The following METRN variants were observed in gnomAD, a reference collection of about 807,000 sequenced individuals.
METRN encodes the protein meteorin, glial cell differentiation regulator, also known as meteorin.
A neutral mutation model predicts 17.4 loss-of-function variants in METRN; 17 were observed. The observed-to-expected ratio is 0.98, with a 90% CI of 0.67 to 1.46. The LOEUF is 1.46. Ranked by LOEUF, METRN falls within the 40% of genes most tolerant of loss-of-function variation. METRN has a pLI of 0.00. For missense variants in METRN, 489 were observed against 456.2 expected (o/e 1.07, Z -0.65); for synonymous variants, 230 against 210.8 (o/e 1.09, Z -0.79).
chr16:718,294 C>T lies in METRN; in HGVS notation c.*907C>T, dbSNP rs1258253008. On this transcript the variant is annotated 3_prime_UTR_variant, in exon 4 of 4. Coordinates refer to ENST00000568223, the MANE Select transcript of METRN (RefSeq NM_024042.4). ...CCTGGGTGGGGGTGTTCCAGGACAC[C>T]TGGCCCTGTGTGAGCTGCCTCCTCT... 3 of 152,290 alleles carry T rather than the reference C, an allele frequency of 2.0e-5. No individual in the cohort carries two copies. The highest frequency in any genetic ancestry group is 2.9e-5 in the Non-Finnish European group (2 of 68,082). 9.4% of individuals were successfully genotyped at this position (152,290 alleles called of 1,614,324 possible).
intron 2 of METRN, chr16:716,722 G>A (rs1002457134): frequency 1.9e-5 from 29 of 1,535,292 alleles, no homozygotes; most frequent in Middle Eastern, 3.3e-4. Context: ...GGAGGTACGC[G>A]CCTGCAAGTG....
Position 715,842 on chromosome 16 carries a change from G to T in METRN, c.363G>T (p.Trp121Cys). Reference sequence around the variant, plus strand: ...CGGCAGGGGGCCGCTGCGTGCGCTGGGGTCCCCGCGAGCGCCGGGCCCTCT... The same window carrying T: ...CGGCAGGGGGCCGCTGCGTGCGCTGTGGTCCCCGCGAGCGCCGGGCCCTCT... ...PGPAGGRCVRWGPRERRALFL... is the reference protein window; with the variant it reads ...PGPAGGRCVRCGPRERRALFL... Residue 121 changes from tryptophan to cysteine, a missense_variant, in exon 2 of 4, where the codon TGG (tryptophan) becomes TGT (cysteine). Coordinates refer to ENST00000568223, the MANE Select transcript of METRN (RefSeq NM_024042.4). 9.9e-6 allele frequency: 13 copies of T among 1,317,746 alleles called. No individual in the cohort carries two copies. Among genetic ancestry groups the T allele is most frequent in the Non-Finnish European group, 1.3e-5 (13 of 1,037,318 alleles). The allele number at this position is 1,317,746 out of a possible 1,614,324, so 81.6% of individuals were successfully genotyped here.
Position 717,579 on chromosome 16 carries a change from G to A in METRN, c.*192G>A. The A allele has an allele frequency of 2.1e-6, 1 of 475,564 alleles. No homozygotes were observed. Among genetic ancestry groups the A allele is most frequent in the Non-Finnish European group, 3.5e-6 (1 of 282,356 alleles). The allele number at this position is 475,564 out of a possible 1,614,324, so 29.5% of individuals were successfully genotyped here. A position where few individuals can be genotyped will look rare whatever the true frequency, so the allele number is the denominator to read the frequency against. On this transcript the variant is annotated 3_prime_UTR_variant, in exon 4 of 4. Transcript: ENST00000568223. ...TCCTGCCTCCTGGCGGGAGACTGAG[G>A]CTCAGGGGAATGGTATCTTGTTCAA...
At chr16:716,022 G>A in intron 2 of METRN, 38 bp downstream of exon 2, 1 of 1,419,058 alleles carries the variant, frequency 7.0e-7, no homozygotes, top group South Asian at 1.4e-5. Flanking sequence ...TGGGAGTCCC[G>A]AAGTCTTACC....
rs776501934 is a variant in METRN at position 717,167 on chromosome 16, C to T, written c.662C>T (p.Pro221Leu). The T allele has an allele frequency of 5.6e-5, 90 of 1,605,298 alleles. No homozygotes were observed. Among genetic ancestry groups the T allele is most frequent in the Non-Finnish European group, 7.1e-5 (83 of 1,176,760 alleles). The change falls in exon 4 of 4, where the codon CCG (proline) becomes CTG (leucine). Residue 221 changes from proline to leucine, a missense_variant. Pro to Leu is a moderately conservative substitution (Grantham distance 98, BLOSUM62 -3). Coordinates refer to ENST00000568223, the MANE Select transcript of METRN (RefSeq NM_024042.4). ...VAARVLRQTP[P>L]LFQAGRSGDQ... ...GCCCGTGTCCTCCGCCAGACACCGC[C>T]GCTGTTCCAGGCGGGGCGATCCGGG...
At position 715,141 on chromosome 16, in the gene METRN, G is replaced by A. The variant is rs553755802; in HGVS notation, c.-149G>A. 62 of 168,146 alleles carry A rather than the reference G, an allele frequency of 3.7e-4. No homozygotes were observed. Among genetic ancestry groups the A allele is most frequent in the Non-Finnish European group, 6.7e-4 (57 of 84,728 alleles). 10.4% of individuals were successfully genotyped at this position (168,146 alleles called of 1,614,324 possible). A position where few individuals can be genotyped will look rare whatever the true frequency, so the allele number is the denominator to read the frequency against. On this transcript the variant is annotated 5_prime_UTR_variant, in exon 1 of 4. Coordinates refer to ENST00000568223, the MANE Select transcript of METRN (RefSeq NM_024042.4). ...CCAAGGCGGCCCCGGCGCTGGGGCT[G>A]CGCGGCAGGCGGAGCGGCCGCGGGC...
At chr16:715,502 G>C in intron 1 of METRN, 82 bp from the exon 2 acceptor site, 1 of 1,267,286 alleles carries the variant, frequency 7.9e-7, no homozygotes, top group South Asian at 2.5e-5. Context: ...CCCCATCCGC[G>C]AGGCGGCCTC....
chr16:715,541 G>GGACCC, intron 1 of METRN, 43 bp from the exon 2 acceptor site: 1 of 1,290,792 alleles, frequency 7.7e-7, no homozygotes, highest in Non-Finnish European at 9.8e-7. Context: ...CGCCGGGCGG[G>GGACCC]GACCCGCCCC....
chr16:717,154 C>A lies in METRN; in HGVS notation c.649C>A (p.Arg217Ser). 1 of 1,602,368 alleles carries A rather than the reference C, an allele frequency of 6.2e-7. No individual in the cohort carries two copies. The highest frequency in any genetic ancestry group is 8.5e-7 in the Non-Finnish European group (1 of 1,175,032). Residue 217 changes from arginine to serine, a missense_variant, in exon 4 of 4, where the codon CGC becomes AGC. Arg to Ser is a moderately radical substitution (Grantham distance 110). Coordinates refer to ENST00000568223, the MANE Select transcript of METRN (RefSeq NM_024042.4). ...VITVVAARVL[R>S]QTPPLFQAGR... is the part of the protein sequence containing the mutation. The stretch of plus-strand genomic sequence containing the variant: ...CACTGTGGTGGCCGCCCGTGTCCTC[C>A]GCCAGACACCGCCGCTGTTCCAGGC...
Position 715,870 on chromosome 16 carries a change from C to G in METRN, c.391C>G (p.Leu131Val). The G allele has an allele frequency of 1.4e-6, 2 of 1,398,742 alleles. No individual in the cohort carries two copies. The highest frequency in any genetic ancestry group is 1.8e-6 in the Non-Finnish European group (2 of 1,081,234). The allele number at this position is 1,398,742 out of a possible 1,614,324, so 86.6% of individuals were successfully genotyped here. A position where few individuals can be genotyped will look rare whatever the true frequency, so the allele number is the denominator to read the frequency against. ...TCCCCGCGAGCGCCGGGCCCTCTTC[C>G]TGCAGGCCACGCCGCACCAGGACAT... ...WGPRERRALF[L>V]QATPHQDISR... Residue 131 changes from leucine to valine, a missense_variant, in exon 2 of 4, where the codon CTG (leucine) becomes GTG (valine). Leu to Val is a conservative substitution (Grantham distance 32, BLOSUM62 1). Coordinates refer to ENST00000568223, the MANE Select transcript of METRN (RefSeq NM_024042.4).
rs2151526947 is a variant in METRN, at chr16:715,544, C to T, written c.105-40C>T. The T allele has an allele frequency of 3.1e-6, 4 of 1,292,224 alleles. No homozygotes were observed. In the South Asian group the frequency reaches 6.7e-5, roughly 22 times the overall value. The allele number at this position is 1,292,224 out of a possible 1,614,324, so 80.0% of individuals were successfully genotyped here. The stretch of plus-strand genomic sequence containing the variant: ...GAGCGGGGGCTGCGCCGGGCGGGGA[C>T]CCGCCCCCGTCTCAGCGCCCCGTCC... On this transcript the variant is annotated intron_variant, in intron 1 of 3. Coordinates refer to ENST00000568223, the MANE Select transcript of METRN (RefSeq NM_024042.4).
At position 718,985 on chromosome 16, in the gene METRN, G is replaced by A. The variant is rs8051884; in HGVS notation, c.*1598G>A. ...GGTAGCCCGTGTGCCCTCCTGCACCGCCTCCTCCACTCCTGTCTTGGAGAG... is the reference window on the plus strand; with the variant it reads ...GGTAGCCCGTGTGCCCTCCTGCACCACCTCCTCCACTCCTGTCTTGGAGAG... On this transcript the variant is annotated 3_prime_UTR_variant, in exon 4 of 4. Coordinates refer to ENST00000568223, the MANE Select transcript of METRN (RefSeq NM_024042.4). 9,940 of 152,402 alleles carry A rather than the reference G, an allele frequency of 0.065. 795 individuals carry two copies. The highest frequency in any genetic ancestry group is 0.19 in the African/African-American group (7,814 of 41,498). The allele number at this position is 152,402 out of a possible 1,614,324, so 9.4% of individuals were successfully genotyped here. A position where few individuals can be genotyped will look rare whatever the true frequency, so the allele number is the denominator to read the frequency against.
chr16:717,242 C>T lies in METRN; in HGVS notation c.737C>T (p.Pro246Leu), dbSNP rs767666212. 20 of 1,574,338 alleles carry T rather than the reference C, an allele frequency of 1.3e-5. No individual in the cohort carries two copies. Among genetic ancestry groups the T allele is most frequent in the Middle Eastern group, 1.7e-4 (1 of 6,004 alleles). ...ACCCCACTGCGCTGTGGCGTCCACC[C>T]GGGCCCAGGCACCTTCCTCTTCATG... ...IRTPLRCGVH[P>L]GPGTFLFMGW... The change falls in exon 4 of 4, where the codon CCG (proline) becomes CTG (leucine). Residue 246 changes from proline to leucine, a missense_variant. Physicochemically the swap from Pro to Leu is moderately conservative, Grantham distance 98 (BLOSUM62 -3). Transcript: ENST00000568223.
Position 717,655 on chromosome 16 carries a change from A to C in METRN, c.*268A>C. ...GCAGATGTCAGGAGGAGCTACACCC[A>C]CATTCCGGGGAGGGGCCGCTGCTGG... On this transcript the variant is annotated 3_prime_UTR_variant, in exon 4 of 4. Transcript: ENST00000568223. The C allele has an allele frequency of 2.7e-5, 10 of 368,034 alleles. No individual in the cohort carries two copies. The highest frequency in any genetic ancestry group is 2.9e-5 in the Non-Finnish European group (6 of 207,298). 22.8% of individuals were successfully genotyped at this position (368,034 alleles called of 1,614,324 possible).
chr16:716,260 G>C, intron 2 of METRN: 1 of 985,430 alleles, frequency 1.0e-6, no homozygotes. Context: ...CTGAACGGTT[G>C]GGGGAAGAGA....
In METRN at chr16:719,218, T is replaced by G. The variant is rs1373491533; in HGVS notation, c.*1831T>G. 6.6e-6 allele frequency: 1 copy of G among 152,292 alleles called. No individual in the cohort carries two copies. Among genetic ancestry groups the G allele is most frequent in the Non-Finnish European group, 1.5e-5 (1 of 68,084 alleles). 9.4% of individuals were successfully genotyped at this position (152,292 alleles called of 1,614,324 possible). On this transcript the variant is annotated 3_prime_UTR_variant, in exon 4 of 4. Transcript: ENST00000568223. Reference sequence around the variant, plus strand: ...CTACAGACCCTCCCAGAGAAAGCCCTGGCTTTGCAACCAGCTGTCTTCTCA... The same window carrying G: ...CTACAGACCCTCCCAGAGAAAGCCCGGGCTTTGCAACCAGCTGTCTTCTCA...
Position 717,008 on chromosome 16 carries a change from A to C in METRN, c.565+16A>C. On this transcript the variant is annotated intron_variant, in intron 3 of 3. Transcript: ENST00000568223. ...AGCGACTTCGGTGAGTGTCCCCGCC[A>C]TGGGGGGAGCCTGGAGCCTGCCTTC... 1 of 1,610,212 alleles carries C rather than the reference A, an allele frequency of 6.2e-7. No individual in the cohort carries two copies. The highest frequency in any genetic ancestry group is 8.5e-7 in the Non-Finnish European group (1 of 1,178,398).
chr16:719,124 C>T lies in METRN; in HGVS notation c.*1737C>T, dbSNP rs1402091358. 6.6e-6 allele frequency: 1 copy of T among 152,432 alleles called. No individual in the cohort carries two copies. Among genetic ancestry groups the T allele is most frequent in the African/African-American group, 2.4e-5 (1 of 41,464 alleles). The allele number at this position is 152,432 out of a possible 1,614,324, so 9.4% of individuals were successfully genotyped here. ...ACCCAAGTCCACCTGTTCACAAACA[C>T]CCTGGGCTGGGCCCTGGCCGAACCC... On this transcript the variant is annotated 3_prime_UTR_variant, in exon 4 of 4. Coordinates refer to ENST00000568223, the MANE Select transcript of METRN (RefSeq NM_024042.4).
At chr16:715,553 G>T (rs2151526953) in intron 1 of METRN, 31 bp from the exon 2 acceptor site, 3 of 1,295,584 alleles carry the variant, frequency 2.3e-6, no homozygotes, top group South Asian at 2.2e-5. Context: ...ACCCGCCCCC[G>T]TCTCAGCGCC....
Sources: allele counts gnomAD v4.1 joint callset, GRCh38; gene constraint gnomAD v4.1.1; transcripts MANE v1.5; gene names NCBI Gene and HGNC (gene_info 2026-07-23, HGNC 2026-07-21).